OSBPL8: variants seen among roughly 807,000 people sequenced by gnomAD.
The protein encoded by OSBPL8 is oxysterol binding protein like 8.
OSBPL8 carries 59 observed loss-of-function variants against 125.5 expected under a neutral mutation model. The observed-to-expected ratio is 0.47, with a 90% CI of 0.38 to 0.58. OSBPL8 has a LOEUF of 0.58. Ranked by LOEUF, OSBPL8 falls within the 20% of genes least tolerant of loss-of-function variation. The probability of loss-of-function intolerance (pLI) is 0.00; values close to 1 mark genes in which losing one functional copy is unlikely to be tolerated. For missense variants in OSBPL8, 758 were observed against 1,047.8 expected, an observed-to-expected ratio of 0.72 and a Z score of 3.82; for synonymous variants, 330 against 338.9, an observed-to-expected ratio of 0.97 and a Z score of 0.29.
At chr12:76,394,620 C>T (rs751401435) in intron 9 of OSBPL8, 25 bp downstream of exon 9, 37 of 1,574,400 alleles carry the variant, frequency 2.4e-5, no homozygotes, top group Non-Finnish European at 3.2e-5. Context: ...AGACCAAAAT[C>T]CAATCCATCA....
chr12:76,492,271 G>T (rs1212543829), intron 1 of OSBPL8, among the ~76,000 whole-genome samples: 1 of 152,182 alleles, frequency 6.6e-6, no homozygotes, highest in Non-Finnish European at 1.5e-5. Flanking sequence ...CAGGTAAGAA[G>T]AAGCTGCCAG....
intron 21 of OSBPL8, among the ~76,000 whole-genome samples, chr12:76,360,635 G>A (rs539469824): frequency 6.6e-6 from 1 of 152,360 alleles, no homozygotes; most frequent in African/African-American, 2.4e-5. Context: ...TGAGGGCCGT[G>A]CCCCTGCAGC....
chr12:76,526,897 G>A (rs558367746), intron 1 of OSBPL8, among the ~76,000 whole-genome samples: 9 of 151,728 alleles, frequency 5.9e-5, no homozygotes, highest in Admixed American at 3.9e-4. Flanking sequence ...GTGATCCACC[G>A]TCTCAGCCTC....
chr12:76,356,893 C>T (rs1258295101), intron 22 of OSBPL8, among the ~76,000 whole-genome samples, 165 bp from the exon 23 acceptor site: 2 of 152,098 alleles, frequency 1.3e-5, no homozygotes, highest in African/African-American at 4.8e-5. Flanking sequence ...CACATCATTG[C>T]AATACTAGAA....
chr12:76,420,470 T>C (rs1262981942), intron 4 of OSBPL8, among the ~76,000 whole-genome samples: 1 of 152,064 alleles, frequency 6.6e-6, no homozygotes, highest in African/African-American at 2.4e-5. Flanking sequence ...GACATCACTA[T>C]GGGTACAGGG....
chr12:76,369,757 T>C lies in OSBPL8; in HGVS notation c.2120A>G (p.Tyr707Cys), dbSNP rs149507464. 3.9e-5 allele frequency: 63 copies of C among 1,613,728 alleles called. No individual in the cohort carries two copies. In the African/African-American group the frequency reaches 6.9e-4, roughly 18 times the overall value. ...KDQTEATQEK[Y>C]VLEEAQRQAA... ...TTGTCTTTGAGCTTCTTCCAAAACA[T>C]ACTTCTCTTGGGTAGCTTCAGTTTG... The change falls in exon 20 of 24, where the codon TAT becomes TGT. Residue 707 changes from tyrosine (Y) to cysteine (C), a missense_variant. Transcript: ENST00000261183.
intron 2 of OSBPL8, among the ~76,000 whole-genome samples, chr12:76,479,004 G>A (rs2136968540): frequency 6.6e-6 from 1 of 152,234 alleles, no homozygotes; most frequent in Non-Finnish European, 1.5e-5. Flanking sequence ...AGAATGGCAT[G>A]AACCCAGGAT....
chr12:76,493,706 T>C (rs1878979104), intron 1 of OSBPL8, among the ~76,000 whole-genome samples: 1 of 152,220 alleles, frequency 6.6e-6, no homozygotes, highest in South Asian at 2.1e-4. Flanking sequence ...GGGTTGAATC[T>C]AGTTGGAGAC....
chr12:76,518,847 ACC>A (rs1881803272), intron 1 of OSBPL8, among the ~76,000 whole-genome samples: 1 of 152,176 alleles, frequency 6.6e-6, no homozygotes, highest in Non-Finnish European at 1.5e-5. Flanking sequence ...GGACAGTGGC[ACC>A]CTGGGACAGG....
Position 76,453,824 on chromosome 12 carries a change from GTTC to G in OSBPL8, c.80-2839_80-2837del, listed in dbSNP as rs1873703410. Among the ~76,000 whole-genome samples the G allele has an allele frequency of 4.0e-5, 6 of 151,836 alleles. 1 individual carries two copies. The highest frequency in any genetic ancestry group is 3.9e-4 in the Admixed American group (6 of 15,256). ...TTAACAAAAGGTTGGTACCTAGAATGTTCTTAAAAAAAAACTTCAATAAATCAT... is the reference window on the plus strand; with the variant it reads ...TTAACAAAAGGTTGGTACCTAGAATGTTAAAAAAAAACTTCAATAAATCAT... On this transcript the variant is annotated intron_variant, in intron 3 of 23. Coordinates refer to ENST00000261183, the MANE Select transcript of OSBPL8 (RefSeq NM_020841.5).
chr12:76,405,378 G>A (rs995590243), intron 5 of OSBPL8, among the ~76,000 whole-genome samples: 5 of 152,116 alleles, frequency 3.3e-5, no homozygotes, highest in Admixed American at 6.5e-5. Flanking sequence ...AGAATCACCC[G>A]AGCCTAGGAG....
intron 4 of OSBPL8, among the ~76,000 whole-genome samples, chr12:76,426,635 CGTAA>C (rs1315482183): frequency 1.3e-5 from 2 of 152,004 alleles, no homozygotes; most frequent in Admixed American, 6.6e-5. Flanking sequence ...ATGCTGGGTA[CGTAA>C]GTATTGGTTT....
At chr12:76,466,543 G>C (rs535107201) in intron 2 of OSBPL8, among the ~76,000 whole-genome samples, 1 of 152,310 alleles carries the variant, frequency 6.6e-6, no homozygotes, top group South Asian at 2.1e-4. Context: ...ACTTAAATCT[G>C]AATCTAGAGA....
chr12:76,405,841 TTTAA>T (rs2136383912), intron 5 of OSBPL8, among the ~76,000 whole-genome samples: 1 of 152,288 alleles, frequency 6.6e-6, no homozygotes, highest in East Asian at 1.9e-4. Context: ...GATAGGCAGG[TTTAA>T]TGTATACTAC....
intron 1 of OSBPL8, among the ~76,000 whole-genome samples, chr12:76,520,262 T>C (rs548302680): frequency 2.4e-4 from 36 of 152,314 alleles, no homozygotes; most frequent in African/African-American, 8.2e-4. Flanking sequence ...CAAGAGAATA[T>C]GGACTCCATT....
chr12:76,550,420 T>C (rs1950902699), intron 1 of OSBPL8, among the ~76,000 whole-genome samples: 2 of 152,214 alleles, frequency 1.3e-5, no homozygotes, highest in South Asian at 4.1e-4. Flanking sequence ...TTGGTTTTCA[T>C]AATTTAGAGA....
At chr12:76,547,016 A>G (rs1950799721) in intron 1 of OSBPL8, among the ~76,000 whole-genome samples, 1 of 152,232 alleles carries the variant, frequency 6.6e-6, no homozygotes, top group African/African-American at 2.4e-5. Context: ...CTTCCAAATC[A>G]CAACCCCTCT....
chr12:76,489,700 A>G (rs990332044), intron 1 of OSBPL8, among the ~76,000 whole-genome samples: 1 of 152,246 alleles, frequency 6.6e-6, no homozygotes, highest in Admixed American at 6.5e-5. Flanking sequence ...GTACAAAAAG[A>G]TTAATGTTGT....
At chr12:76,533,479 T>C (rs904842109) in intron 1 of OSBPL8, among the ~76,000 whole-genome samples, 2 of 152,176 alleles carry the variant, frequency 1.3e-5, no homozygotes, top group African/African-American at 4.8e-5. Flanking sequence ...AAAATATCTA[T>C]TTGAGCAGCT....
Sources: allele counts gnomAD v4.1 joint callset (sites outside exome capture counted in the v4.1 genomes callset), GRCh38; gene constraint gnomAD v4.1.1; transcripts MANE v1.5; gene names NCBI Gene and HGNC (gene_info 2026-07-23, HGNC 2026-07-21).